Variants in RBFOX1 observed in about 807,000 individuals in gnomAD.
The protein encoded by RBFOX1 is RNA binding fox-1 homolog 1, also known as RNA binding protein fox-1 homolog 1.
Under a neutral mutation model 57.7 loss-of-function variants are expected in RBFOX1, and 8 were observed. That is an observed-to-expected ratio of 0.14 (90% confidence interval 0.08 to 0.25). RBFOX1 has a LOEUF of 0.25. RBFOX1 is among the 10% of genes least tolerant of loss of function. The pLI is 1.00. For synonymous variants in RBFOX1, 326 were observed against 222.4 expected, an observed-to-expected ratio of 1.47 and a Z score of -4.15; for missense variants, 611 against 548.5, an observed-to-expected ratio of 1.11 and a Z score of -1.14.
intron 2 of RBFOX1, among the ~76,000 whole-genome samples, chr16:6,624,966 A>G (rs556008556): frequency 8.4e-4 from 127 of 152,036 alleles, no homozygotes; most frequent in African/African-American, 2.7e-3. Flanking sequence ...GGAGTTTGAG[A>G]CCAGCCTGGC....
At position 7,479,192 on chromosome 16, in the gene RBFOX1, C is replaced by T. The variant is rs140732789; in HGVS notation, c.28-38955C>T. ...AGGCTGGAGCGCAGTGGTGTGATCT[C>T]GGCTCAGTGCAACTTCTGCCTCCCG... On this transcript the variant is annotated intron_variant, in intron 4 of 15. Coordinates refer to ENST00000550418, the MANE Select transcript of RBFOX1 (RefSeq NM_018723.4). 6.7e-5 allele frequency among the ~76,000 whole-genome samples: 10 copies of T among 150,202 alleles called. No homozygotes were observed. The East Asian group carries it at 1.0e-3, about 15-fold the overall frequency.
chr16:5,517,020 A>G (rs543276232), intron 2 of RBFOX1, among the ~76,000 whole-genome samples: 1 of 151,892 alleles, frequency 6.6e-6, no homozygotes, highest in Non-Finnish European at 1.5e-5. Context: ...TTCAATCAAA[A>G]GTCTCCTGGG....
chr16:5,300,566 T>C (rs1160752209), intron 1 of RBFOX1, among the ~76,000 whole-genome samples: 1 of 152,190 alleles, frequency 6.6e-6, no homozygotes, highest in East Asian at 1.9e-4. Flanking sequence ...TGAAAGAATT[T>C]AAGTAATAAT....
intron 3 of RBFOX1, among the ~76,000 whole-genome samples, chr16:5,750,906 A>T: frequency 6.6e-6 from 1 of 152,216 alleles, no homozygotes; most frequent in South Asian, 2.1e-4. Context: ...CAGTGAGATG[A>T]ACCCGGTACT....
chr16:5,889,368 A>T (rs1030486142), intron 4 of RBFOX1, among the ~76,000 whole-genome samples: 15 of 152,140 alleles, frequency 9.9e-5, no homozygotes, highest in African/African-American at 3.6e-4. Context: ...AATGGCTTCC[A>T]GTTCCATGTC....
intron 4 of RBFOX1, among the ~76,000 whole-genome samples, chr16:7,056,128 T>C (rs1002664740): frequency 8.5e-5 from 13 of 152,152 alleles, no homozygotes; most frequent in African/African-American, 2.7e-4. Context: ...CATCGTGCAT[T>C]AGTAACCAGC....
At chr16:5,487,981 G>T in intron 2 of RBFOX1, among the ~76,000 whole-genome samples, 1 of 152,062 alleles carries the variant, frequency 6.6e-6, no homozygotes, top group East Asian at 1.9e-4. Flanking sequence ...TGAAGACGAT[G>T]ATGTAATCAT....
chr16:5,329,982 C>CAA (rs71142613), intron 1 of RBFOX1, among the ~76,000 whole-genome samples: 69 of 144,666 alleles, frequency 4.8e-4, no homozygotes, highest in African/African-American at 1.7e-3. Context: ...GACTCTGTCT[C>CAA]AAAAAAAAAA....
intron 2 of RBFOX1, among the ~76,000 whole-genome samples, chr16:5,504,052 C>T (rs1027246205): frequency 1.3e-5 from 2 of 152,142 alleles, no homozygotes; most frequent in South Asian, 2.1e-4. Context: ...CCTCCAGCCC[C>T]TTCCTGGCAT....
At chr16:5,643,615 T>C (rs2048951112) in intron 3 of RBFOX1, among the ~76,000 whole-genome samples, 1 of 152,206 alleles carries the variant, frequency 6.6e-6, no homozygotes, top group South Asian at 2.1e-4. Context: ...TATTTTTAGG[T>C]ACAGAGTCTT....
At chr16:6,333,178 T>C (rs2083246916) in intron 2 of RBFOX1, among the ~76,000 whole-genome samples, 1 of 152,192 alleles carries the variant, frequency 6.6e-6, no homozygotes, top group South Asian at 2.1e-4. Context: ...TAGCTGGGAC[T>C]ACAGTCATGT....
intron 3 of RBFOX1, among the ~76,000 whole-genome samples, chr16:7,033,230 C>T (rs1026574960): frequency 1.3e-5 from 2 of 152,168 alleles, no homozygotes; most frequent in Admixed American, 1.3e-4. Flanking sequence ...CTTAAAAGTC[C>T]AAAAACAGGA....
chr16:7,474,565 A>G (rs1599360172), intron 4 of RBFOX1, among the ~76,000 whole-genome samples: 1 of 152,218 alleles, frequency 6.6e-6, no homozygotes, highest in African/African-American at 2.4e-5. Flanking sequence ...TTTTATTTTT[A>G]AAATGGCAAA....
intron 3 of RBFOX1, among the ~76,000 whole-genome samples, chr16:5,625,221 T>C (rs569834074): frequency 6.6e-6 from 1 of 152,188 alleles, no homozygotes; most frequent in African/African-American, 2.4e-5. Context: ...GGATATTTTT[T>C]TTTCTGTATC....
chr16:6,167,422 G>A (rs970151774), intron 1 of RBFOX1, among the ~76,000 whole-genome samples: 4 of 152,122 alleles, frequency 2.6e-5, no homozygotes, highest in African/African-American at 7.2e-5. Flanking sequence ...AAGTGCTAAC[G>A]GTAGCTCCTG....
intron 3 of RBFOX1, among the ~76,000 whole-genome samples, chr16:6,885,372 C>T (rs959594078): frequency 3.3e-5 from 5 of 152,126 alleles, no homozygotes; most frequent in South Asian, 2.1e-4. Flanking sequence ...GGGGGGTTGC[C>T]GAAGCATGCT....
At chr16:6,709,879 C>T (rs951084932) in intron 3 of RBFOX1, among the ~76,000 whole-genome samples, 2 of 152,102 alleles carry the variant, frequency 1.3e-5, no homozygotes, top group African/African-American at 2.4e-5. Flanking sequence ...GGAGAGGGAA[C>T]GGCCGGGGGC....
At chr16:5,662,905 A>G (rs933523525) in intron 3 of RBFOX1, among the ~76,000 whole-genome samples, 10 of 152,216 alleles carry the variant, frequency 6.6e-5, no homozygotes, top group Admixed American at 6.5e-5. Flanking sequence ...TAAAGAGCAT[A>G]TATCATGTAG....
chr16:7,200,218 C>T (rs558417802), intron 4 of RBFOX1, among the ~76,000 whole-genome samples: 2 of 152,162 alleles, frequency 1.3e-5, no homozygotes, highest in Non-Finnish European at 2.9e-5. Flanking sequence ...GGAAACTCGA[C>T]TGTCCTTGTA....
Sources: gnomAD v4.1 joint callset for allele counts (sites outside exome capture counted in the v4.1 genomes callset) on GRCh38, gnomAD v4.1.1 for gene constraint, MANE v1.5 for transcripts, NCBI Gene and HGNC (gene_info 2026-07-23, HGNC 2026-07-21) for gene names.